Variants in TJP3 observed in about 807,000 individuals in gnomAD.
TJP3 encodes the protein tight junction protein 3.
In TJP3, 85 loss-of-function variants were observed where a neutral mutation model predicts 104.2. The ratio of observed to expected loss-of-function variants is 0.82; its 90% CI spans 0.68 to 0.98. TJP3 has a LOEUF of 0.98. Among genes scored for constraint, TJP3 ranks in the 50% least tolerant of loss-of-function variants. The pLI, the probability that TJP3 is intolerant of heterozygous loss-of-function variation, is 0.00. For missense variants in TJP3, 1,367 were observed against 1,322.8 expected, an observed-to-expected ratio of 1.03 and a Z score of -0.52; for synonymous variants, 550 against 550.6, an observed-to-expected ratio of 1.00 and a Z score of 0.02.
chr19:3,723,812 T>A (rs199587672), intron 1 of TJP3, among the ~76,000 whole-genome samples: 1,860 of 86,390 alleles, frequency 0.022, 31 homozygotes, highest in African/African-American at 0.047. Context: ...AAAAAAAATA[T>A]ATATATATAT....
Position 3,740,568 on chromosome 19 carries a change from A to C in TJP3, c.1648A>C (p.Ser550Arg), listed in dbSNP as rs568154064. 1 of 1,492,172 alleles carries C rather than the reference A, an allele frequency of 6.7e-7. No homozygotes were observed. Among genetic ancestry groups the C allele is most frequent in the African/African-American group, 1.4e-5 (1 of 71,428 alleles). The allele number at this position is 1,492,172 out of a possible 1,614,324, so 92.4% of individuals were successfully genotyped here. A position where few individuals can be genotyped will look rare whatever the true frequency, so the allele number is the denominator to read the frequency against. ...TCTCCCCAGGGCGGAGCAGCTGGCC[A>C]GCCTGGAAGCTGCCCAGAGGGCCGT... ...PNQSRAEQLA[S>R]LEAAQRAVGV... The change falls in exon 14 of 21, where the codon AGC becomes CGC. Residue 550 changes from serine (S) to arginine (R), a missense_variant. By Grantham distance (110) the Ser-to-Arg change is moderately radical. Coordinates refer to ENST00000541714, the MANE Select transcript of TJP3 (RefSeq NM_001267560.2).
Position 3,732,007 on chromosome 19 carries a change from G to A in TJP3, c.686G>A (p.Arg229His), listed in dbSNP as rs140861719. Residue 229 changes from arginine to histidine, a missense_variant, in exon 6 of 21, where the codon CGT becomes CAT. By Grantham distance (29) the Arg-to-His change is conservative. Coordinates refer to ENST00000541714, the MANE Select transcript of TJP3 (RefSeq NM_001267560.2). ...GATTCGGGCCTGGCTGCCCGGCACC[G>A]TGGGCTGCAGGAAGGAGATCTCATT... ...ITDSGLAARH[R>H]GLQEGDLILQ... 1.4e-3 allele frequency: 2,279 copies of A among 1,612,908 alleles called. 2 individuals are homozygous for A. The highest frequency in any genetic ancestry group is 1.8e-3 in the Non-Finnish European group (2,099 of 1,179,640).
At position 3,715,726 on chromosome 19, in the gene TJP3, C is replaced by T. The variant is rs76430141; in HGVS notation, c.-10+7165C>T. Among the ~76,000 whole-genome samples the T allele has an allele frequency of 2.1e-3, 319 of 152,262 alleles. 1 individual carries two copies. The highest frequency in any genetic ancestry group is 7.3e-3 in the African/African-American group (304 of 41,564). On this transcript the variant is annotated intron_variant, in intron 1 of 20. Transcript: ENST00000541714. ...CAGGGTGCTTAGCAGTATCCCTGGC[C>T]TCCACTCACTCATGCCAGGAGAACC...
chr19:3,709,741 G>T (rs626783), intron 1 of TJP3, among the ~76,000 whole-genome samples: 103,530 of 151,848 alleles, frequency 0.68, 36,038 homozygotes, highest in East Asian at 1. Flanking sequence ...GTCCGTGGGG[G>T]TGGGCGACAT....
At position 3,743,357 on chromosome 19, in the gene TJP3, C is replaced by T. The variant is rs141790761; in HGVS notation, c.1844-582C>T. ...GGCTACCACTTTTCTCCCCTCAAGACGCTTCTGTGACTGTTTCTTCAGTGG... is the reference window on the plus strand; with the variant it reads ...GGCTACCACTTTTCTCCCCTCAAGATGCTTCTGTGACTGTTTCTTCAGTGG... On this transcript the variant is annotated intron_variant, in intron 14 of 20. Transcript: ENST00000541714. 2.0e-3 allele frequency among the ~76,000 whole-genome samples: 301 copies of T among 152,284 alleles called. 1 individual carries two copies. The highest frequency in any genetic ancestry group is 6.8e-3 in the African/African-American group (282 of 41,548).
intron 1 of TJP3, among the ~76,000 whole-genome samples, chr19:3,717,939 GGC>G (rs913891357): frequency 7.6e-5 from 11 of 145,162 alleles, no homozygotes; most frequent in Non-Finnish European, 1.7e-4. Flanking sequence ...AAAAAGGCCG[GGC>G]ACGATGGCTC....
At position 3,746,612 on chromosome 19, in the gene TJP3, T is replaced by A; in HGVS notation, c.2138T>A (p.Leu713Gln). The A allele has an allele frequency of 6.2e-7, 1 of 1,611,102 alleles. No individual in the cohort carries two copies. Among genetic ancestry groups the A allele is most frequent in the Non-Finnish European group, 8.5e-7 (1 of 1,179,406 alleles). ...RPALKALRQWLAPASRRSTRR... is the reference protein window; with the variant it reads ...RPALKALRQWQAPASRRSTRR... ...GCCCTCAAGGCACTGCGCCAGTGGCTGGCGCCTGCCTCCCGCCGCAGCACC... is the reference window on the plus strand; with the variant it reads ...GCCCTCAAGGCACTGCGCCAGTGGCAGGCGCCTGCCTCCCGCCGCAGCACC... The change falls in exon 17 of 21, where the codon CTG becomes CAG. Residue 713 changes from leucine to glutamine, a missense_variant. Leu to Gln is a moderately radical substitution (Grantham distance 113). Coordinates refer to ENST00000541714, the MANE Select transcript of TJP3 (RefSeq NM_001267560.2). This position sits in a 1 kb window ranked among gnomAD's most constrained non-coding sequence, Gnocchi z 4.1.
At position 3,746,699 on chromosome 19, in the gene TJP3, G is replaced by C; in HGVS notation, c.2221+4G>C. 1 of 1,609,034 alleles carries C rather than the reference G, an allele frequency of 6.2e-7. No homozygotes were observed. Among genetic ancestry groups the C allele is most frequent in the Non-Finnish European group, 8.5e-7 (1 of 1,177,772 alleles). On this transcript the variant is annotated splice_donor_region_variant and intron_variant, in intron 17 of 20. Coordinates refer to ENST00000541714, the MANE Select transcript of TJP3 (RefSeq NM_001267560.2). This position sits in a 1 kb window ranked among gnomAD's most constrained non-coding sequence, Gnocchi z 4.1. ...CACAGCAGCCACCTCTTCACAGGTT[G>C]GGGGGTGGGTGTCCCAGGGTAGGCG...
At chr19:3,720,280 T>C (rs529434211) in intron 1 of TJP3, among the ~76,000 whole-genome samples, 1 of 152,320 alleles carries the variant, frequency 6.6e-6, no homozygotes, top group Admixed American at 6.5e-5. Flanking sequence ...GGGCTGACTG[T>C]AGCTGACTTG....
chr19:3,724,824 C>G (rs930054753), intron 1 of TJP3, among the ~76,000 whole-genome samples: 2 of 152,110 alleles, frequency 1.3e-5, no homozygotes, highest in African/African-American at 4.8e-5. Context: ...TAGGCAGAAT[C>G]CACCGTGCCC....
At chr19:3,712,121 G>C (rs1599140084) in intron 1 of TJP3, among the ~76,000 whole-genome samples, 1 of 152,214 alleles carries the variant, frequency 6.6e-6, no homozygotes, top group South Asian at 2.1e-4. Context: ...TTTGAGACCA[G>C]CCTGGCAAAC....
At chr19:3,711,685 G>C (rs1211778084) in intron 1 of TJP3, among the ~76,000 whole-genome samples, 1 of 134,896 alleles carries the variant, frequency 7.4e-6, no homozygotes, top group Non-Finnish European at 1.5e-5. Flanking sequence ...GAGGTCAGGA[G>C]TTCAAGACCA....
chr19:3,721,940 A>G, intron 1 of TJP3: 14 of 526,354 alleles, frequency 2.7e-5, no homozygotes, highest in Non-Finnish European at 3.4e-5. Flanking sequence ...TGGCAGGGGG[A>G]GGGGCTCGGG....
At chr19:3,745,133 CTTTTTTTTTTTTTTT>C (rs549831017) in intron 15 of TJP3, among the ~76,000 whole-genome samples, 7 of 70,042 alleles carry the variant, frequency 1.0e-4, no homozygotes, top group African/African-American at 2.5e-4. Flanking sequence ...AATTTTATGT[CTTTTTTTTTTTTTTT>C]TTTTTTTTTT....
intron 1 of TJP3, among the ~76,000 whole-genome samples, chr19:3,725,015 C>A (rs1299919804): frequency 6.6e-6 from 1 of 152,134 alleles, no homozygotes; most frequent in African/African-American, 2.4e-5. Flanking sequence ...AATTCCAACA[C>A]TTTAGGAGGC....
At chr19:3,735,825 C>A in intron 9 of TJP3, 44 bp from the exon 10 acceptor site, 1 of 1,610,880 alleles carries the variant, frequency 6.2e-7, no homozygotes, top group Non-Finnish European at 8.5e-7. Flanking sequence ...GGAGGCTGGA[C>A]TGAGCCAGTG....
At chr19:3,750,545 C>A in intron 20 of TJP3, 37 bp from the exon 21 acceptor site, 1 of 1,530,760 alleles carries the variant, frequency 6.5e-7, no homozygotes. Context: ...TCACACCCTT[C>A]CCACCCACAG....
At chr19:3,733,010 CTT>C (rs1485204872) in intron 6 of TJP3, among the ~76,000 whole-genome samples, 1 of 139,358 alleles carries the variant, frequency 7.2e-6, no homozygotes, top group Non-Finnish European at 1.6e-5. Context: ...TTTCTTTTCT[CTT>C]TTCTTTTCTC....
intron 15 of TJP3, among the ~76,000 whole-genome samples, chr19:3,744,628 C>T (rs961006127): frequency 6.6e-6 from 1 of 150,626 alleles, no homozygotes; most frequent in Admixed American, 6.7e-5. Context: ...CATGCCACTG[C>T]ACTCCAGCCT....
Sources: allele counts gnomAD v4.1 joint callset (sites outside exome capture counted in the v4.1 genomes callset), GRCh38; gene constraint gnomAD v4.1.1; non-coding constraint Gnocchi (gnomAD v3.1); transcripts MANE v1.5; gene names NCBI Gene and HGNC (gene_info 2026-07-23, HGNC 2026-07-21).